Variants in LARP4B observed in about 807,000 individuals in gnomAD.
LARP4B encodes la-related protein 4B.
In LARP4B, 12 loss-of-function variants were observed where a neutral mutation model predicts 89.8. The ratio of observed to expected loss-of-function variants is 0.13; its 90% CI spans 0.09 to 0.22. The LOEUF (loss-of-function observed/expected upper bound fraction) is 0.22. Among genes scored for constraint, LARP4B ranks in the 10% least tolerant of loss-of-function variants. LARP4B has a pLI of 1.00. For missense variants in LARP4B, 757 were observed against 947.7 expected (o/e 0.80, Z 2.64); for synonymous variants, 367 against 363.3 (o/e 1.01, Z -0.12).
chr10:910,579 T>C (rs1266757796), intron 1 of LARP4B, among the ~76,000 whole-genome samples: 1 of 152,226 alleles, frequency 6.6e-6, no homozygotes, highest in Non-Finnish European at 1.5e-5. Flanking sequence ...CTCTTTCCTT[T>C]AAGAGTGAGG....
At chr10:978,654 G>T in the LARP4B span, among the ~76,000 whole-genome samples, 91 of 152,254 alleles carry the variant, frequency 6.0e-4, no homozygotes, top group Admixed American at 3.1e-3. Flanking sequence ...GTAGGACCTA[G>T]AACTCTTAAC....
chr10:949,733 G>A, the LARP4B span, among the ~76,000 whole-genome samples: 2 of 152,212 alleles, frequency 1.3e-5, no homozygotes, highest in South Asian at 2.1e-4. Context: ...CTCTTCTTGT[G>A]CTTATTTGCC....
intron 13 of LARP4B, among the ~76,000 whole-genome samples, chr10:823,110 A>G (rs1430771006): frequency 6.6e-6 from 1 of 152,238 alleles, no homozygotes; most frequent in Admixed American, 6.5e-5. Context: ...TACGAAGGTC[A>G]GCTCTGGCTT....
rs755300749 is a variant in LARP4B, at chr10:817,747, A to G, written c.1673T>C (p.Ile558Thr). The change falls in exon 15 of 18, where the codon ATA becomes ACA. Residue 558 changes from isoleucine to threonine, a missense_variant. This residue lies in a region of LARP4B where 387 missense variants were observed against 423.6 expected (regional missense o/e 0.91). Transcript: ENST00000316157. ...DLFENRLSSLIIGPSKERTLS... is the reference protein window; with the variant it reads ...DLFENRLSSLTIGPSKERTLS... ...TACCCTTTCTTTGGATGGTCCTATT[A>G]TCAAGCTAGATAGCCTGTTTTCAAA... 1 of 1,614,214 alleles carries G rather than the reference A, an allele frequency of 6.2e-7. No individual in the cohort carries two copies. Among genetic ancestry groups the G allele is most frequent in the Admixed American group, 1.7e-5 (1 of 60,024 alleles).
downstream of LARP4B, chr10:808,585 A>G (rs773354526): frequency 2.0e-5 from 3 of 152,202 alleles, no homozygotes; most frequent in Non-Finnish European, 4.4e-5. Flanking sequence ...TAACAGAAGC[A>G]GCACTGCAGA....
chr10:861,375 T>A (rs984206153), intron 5 of LARP4B, among the ~76,000 whole-genome samples: 2 of 152,208 alleles, frequency 1.3e-5, no homozygotes, highest in Non-Finnish European at 2.9e-5. Flanking sequence ...AAATCTGGGG[T>A]ATACCTGAAG....
intron 3 of LARP4B, among the ~76,000 whole-genome samples, chr10:881,730 G>A: frequency 6.6e-6 from 1 of 152,188 alleles, no homozygotes. Context: ...GATAAAGAGT[G>A]CTTCTTCTAG....
At chr10:839,243 T>C (rs1833392274) in intron 7 of LARP4B, among the ~76,000 whole-genome samples, 1 of 152,236 alleles carries the variant, frequency 6.6e-6, no homozygotes, top group African/African-American at 2.4e-5. Flanking sequence ...TGAACCCTTA[T>C]GTAAACTGTG....
chr10:909,250 C>T (rs890552180), intron 1 of LARP4B, among the ~76,000 whole-genome samples: 3 of 147,078 alleles, frequency 2.0e-5, no homozygotes, highest in Non-Finnish European at 4.5e-5. Flanking sequence ...GCCGAGATCG[C>T]GCCACTGCAA....
chr10:976,564 T>C, the LARP4B span, among the ~76,000 whole-genome samples: 2 of 137,636 alleles, frequency 1.5e-5, no homozygotes, highest in African/African-American at 5.6e-5. Context: ...GCGTAATGTG[T>C]GGCCGGCCTA....
intron 11 of LARP4B, among the ~76,000 whole-genome samples, chr10:827,856 C>T (rs12257561): frequency 6.6e-6 from 1 of 152,198 alleles, no homozygotes; most frequent in Non-Finnish European, 1.5e-5. Context: ...AAGTATTCAG[C>T]TATGGGTACA....
chr10:831,808 T>G (rs1488585089), intron 8 of LARP4B, among the ~76,000 whole-genome samples: 1 of 152,088 alleles, frequency 6.6e-6, no homozygotes, highest in Non-Finnish European at 1.5e-5. Context: ...TTTATTAGAA[T>G]ACAAAAATAT....
chr10:957,800 CTT>C, the LARP4B span, among the ~76,000 whole-genome samples: 377 of 125,078 alleles, frequency 3.0e-3, 3 homozygotes, highest in African/African-American at 0.01. Context: ...CATTTTCTTT[CTT>C]TTTTTTTTTT....
intron 7 of LARP4B, among the ~76,000 whole-genome samples, chr10:839,352 T>C (rs892602771): frequency 2.6e-5 from 4 of 152,342 alleles, no homozygotes; most frequent in African/African-American, 9.6e-5. Context: ...CATGCATGTG[T>C]ACAGGGGATA....
the LARP4B span, among the ~76,000 whole-genome samples, chr10:956,054 A>C: frequency 6.6e-6 from 1 of 152,020 alleles, no homozygotes; most frequent in South Asian, 2.1e-4. This position sits in a 1 kb window ranked among gnomAD's most constrained non-coding sequence, Gnocchi z 4.3. Context: ...CAGGATCTGC[A>C]GGACAGGAGG....
chr10:879,334 G>A (rs890750768), intron 3 of LARP4B, among the ~76,000 whole-genome samples: 3 of 152,238 alleles, frequency 2.0e-5, no homozygotes, highest in African/African-American at 4.8e-5. Context: ...GTTCTCCGAA[G>A]TACCAGGAGA....
the LARP4B span, among the ~76,000 whole-genome samples, chr10:985,015 T>C: frequency 1.3e-5 from 2 of 152,170 alleles, no homozygotes; most frequent in Non-Finnish European, 2.9e-5. Flanking sequence ...CGGCTGGCAG[T>C]GCAAAAGGAG....
At chr10:973,037 G>A in the LARP4B span, 8 of 376,354 alleles carry the variant, frequency 2.1e-5, no homozygotes, top group South Asian at 8.0e-5. Flanking sequence ...GGGAGAAGTC[G>A]AGGGGCAAGC....
At chr10:875,267 A>G (rs1050788531) in intron 3 of LARP4B, among the ~76,000 whole-genome samples, 1 of 152,168 alleles carries the variant, frequency 6.6e-6, no homozygotes, top group Non-Finnish European at 1.5e-5. Flanking sequence ...TCTTTGTCTC[A>G]GTTTTCTCAT....
Sources: gnomAD v4.1 joint callset for allele counts (sites outside exome capture counted in the v4.1 genomes callset) on GRCh38, gnomAD v4.1.1 for gene constraint, gnomAD v4.1.1 regional missense constraint, Gnocchi (gnomAD v3.1) non-coding constraint, MANE v1.5 for transcripts, NCBI Gene and HGNC (gene_info 2026-07-23, HGNC 2026-07-21) for gene names.